The following ITGA8 variants were observed in gnomAD, a reference collection of about 807,000 sequenced individuals.
The protein encoded by ITGA8 is integrin subunit alpha 8, also known as integrin alpha-8.
Under a neutral mutation model 142.3 loss-of-function variants are expected in ITGA8, and 91 were observed. The observed-to-expected ratio is 0.64, with a 90% CI of 0.54 to 0.76. The LOEUF is 0.76. ITGA8 is among the 30% of genes least tolerant of loss of function. The pLI is 0.00. For synonymous variants in ITGA8, 505 were observed against 485.2 expected, an observed-to-expected ratio of 1.04 and a Z score of -0.54; for missense variants, 1,406 against 1,327.7, an observed-to-expected ratio of 1.06 and a Z score of -0.92.
intron 13 of ITGA8, among the ~76,000 whole-genome samples, 185 bp downstream of exon 13, chr10:15,643,843 CGT>C (rs1484902890): frequency 2.0e-5 from 3 of 152,096 alleles, no homozygotes; most frequent in Non-Finnish European, 4.4e-5. Flanking sequence ...GAGAAGGAAG[CGT>C]GTGTTTGTCT....
chr10:15,663,589 ACGAG>A, intron 8 of ITGA8, among the ~76,000 whole-genome samples: 1 of 141,724 alleles, frequency 7.1e-6, no homozygotes, highest in Non-Finnish European at 1.5e-5. Context: ...TTTTTTTTGG[ACGAG>A]ATCTGAGTCT....
At chr10:15,620,322 C>G (rs979561820) in intron 13 of ITGA8, among the ~76,000 whole-genome samples, 1 of 152,118 alleles carries the variant, frequency 6.6e-6, no homozygotes, top group African/African-American at 2.4e-5. Context: ...CACACACACA[C>G]ACACACACAC....
At chr10:15,645,789 C>G (rs1364301544) in intron 12 of ITGA8, among the ~76,000 whole-genome samples, 1 of 152,128 alleles carries the variant, frequency 6.6e-6, no homozygotes, top group African/African-American at 2.4e-5. Context: ...AAAATGCATA[C>G]ATTTTCAGGT....
At position 15,668,492 on chromosome 10, in the gene ITGA8, T is replaced by C. The variant is rs561890711; in HGVS notation, c.847+3111A>G. 1.3e-4 allele frequency among the ~76,000 whole-genome samples: 20 copies of C among 151,228 alleles called. No homozygotes were observed. The South Asian group carries it at 3.9e-3, about 29-fold the overall frequency. On this transcript the variant is annotated intron_variant, in intron 8 of 29. Coordinates refer to ENST00000378076, the MANE Select transcript of ITGA8 (RefSeq NM_003638.3). ...TTATGCGATTTGCCAGTCTGTGTCT[T>C]TTAATTGGAGCATTTAGCCCATTTA... is the stretch of plus-strand genomic sequence containing the variant.
intron 2 of ITGA8, among the ~76,000 whole-genome samples, chr10:15,695,974 A>G (rs1835044145): frequency 6.6e-6 from 1 of 152,312 alleles, no homozygotes; most frequent in Admixed American, 6.5e-5. Context: ...TTCACACCCT[A>G]TCCTTGCCAA....
chr10:15,593,829 C>G (rs1832964972), intron 21 of ITGA8, among the ~76,000 whole-genome samples: 1 of 146,894 alleles, frequency 6.8e-6, no homozygotes, highest in South Asian at 2.2e-4. Context: ...GGCATTACGC[C>G]CCAGCAAAGA....
chr10:15,674,137 T>C (rs935927082), intron 6 of ITGA8, among the ~76,000 whole-genome samples: 1 of 152,176 alleles, frequency 6.6e-6, no homozygotes, highest in Non-Finnish European at 1.5e-5. Context: ...GCCAAGTGAC[T>C]GGGACTTGAA....
intron 29 of ITGA8, among the ~76,000 whole-genome samples, chr10:15,517,883 T>C (rs1159660915): frequency 6.6e-6 from 1 of 152,262 alleles, no homozygotes; most frequent in Non-Finnish European, 1.5e-5. Flanking sequence ...ATTTCCCACA[T>C]GCTTACTGGA....
chr10:15,604,196 T>C lies in ITGA8; in HGVS notation c.2118+12A>G. Reference sequence around the variant, plus strand: ...ACCTAGCTCTTGACTTCAAACAATTTGCAGGCATTACCTTGTTGTTGCGTT... The same window carrying C: ...ACCTAGCTCTTGACTTCAAACAATTCGCAGGCATTACCTTGTTGTTGCGTT... On this transcript the variant is annotated intron_variant, in intron 20 of 29. Transcript: ENST00000378076. 1 of 1,601,164 alleles carries C rather than the reference T, an allele frequency of 6.2e-7. No individual in the cohort carries two copies. The highest frequency in any genetic ancestry group is 8.5e-7 in the Non-Finnish European group (1 of 1,175,658).
intron 27 of ITGA8, among the ~76,000 whole-genome samples, chr10:15,534,871 C>T (rs1403123180): frequency 2.6e-5 from 4 of 152,188 alleles, no homozygotes; most frequent in African/African-American, 4.8e-5. Context: ...TTTGGCGGCA[C>T]TTGAGGAGCC....
intron 2 of ITGA8, among the ~76,000 whole-genome samples, chr10:15,706,180 A>G (rs113396695): frequency 6.6e-6 from 1 of 152,112 alleles, no homozygotes; most frequent in Non-Finnish European, 1.5e-5. Context: ...CTCCTTACCC[A>G]CTGTTCTCTA....
chr10:15,686,276 T>C (rs920005019), intron 3 of ITGA8, among the ~76,000 whole-genome samples: 1 of 152,236 alleles, frequency 6.6e-6, no homozygotes, highest in African/African-American at 2.4e-5. Context: ...TGCCTCTCTA[T>C]ATATTGTAAA....
rs1491456295 is a variant in ITGA8, at chr10:15,697,046, A to AACACACACACACACACACACACAC, written c.344-9009_344-9008insGTGTGTGTGTGTGTGTGTGTGTGT. 2.1e-3 allele frequency among the ~76,000 whole-genome samples: 314 copies of AACACACACACACACACACACACAC among 147,512 alleles called. 2 individuals carry two copies. Among genetic ancestry groups the AACACACACACACACACACACACAC allele is most frequent in the African/African-American group, 7.7e-3 (306 of 39,922 alleles). ...AGAGTAAGTACTCTCTTGTCTCTAA[A>AACACACACACACACACACACACAC]ACACACACACACACACACACAAGAA... On this transcript the variant is annotated intron_variant, in intron 2 of 29. Transcript: ENST00000378076.
At chr10:15,577,830 T>C (rs551878037) in intron 23 of ITGA8, among the ~76,000 whole-genome samples, 10 of 152,252 alleles carry the variant, frequency 6.6e-5, no homozygotes, top group East Asian at 1.9e-4. Context: ...CCTTCCGTCC[T>C]AAGATGGAAG....
chr10:15,678,684 G>C (rs770283198), intron 5 of ITGA8, 38 bp downstream of exon 5: 1 of 1,443,982 alleles, frequency 6.9e-7, no homozygotes, highest in Admixed American at 1.7e-5. Flanking sequence ...AAAAAAATCA[G>C]ATTAAATATT....
At chr10:15,542,906 C>G (rs538635187) in intron 27 of ITGA8, among the ~76,000 whole-genome samples, 1 of 152,260 alleles carries the variant, frequency 6.6e-6, no homozygotes, top group African/African-American at 2.4e-5. Context: ...TATTTGCAGA[C>G]AAACATCCCT....
chr10:15,609,042 A>T (rs568359199), intron 15 of ITGA8, among the ~76,000 whole-genome samples: 1 of 152,158 alleles, frequency 6.6e-6, no homozygotes, highest in Non-Finnish European at 1.5e-5. Context: ...GCAGATGTCC[A>T]TGAGAGACAC....
intron 23 of ITGA8, among the ~76,000 whole-genome samples, chr10:15,581,464 C>T (rs1834405373): frequency 6.6e-6 from 1 of 152,160 alleles, no homozygotes; most frequent in South Asian, 2.1e-4. Flanking sequence ...GTAATAATCT[C>T]TGTAAGTGTA....
intron 28 of ITGA8, among the ~76,000 whole-genome samples, chr10:15,521,422 T>C (rs1833066906): frequency 6.6e-6 from 1 of 152,166 alleles, no homozygotes; most frequent in South Asian, 2.1e-4. Flanking sequence ...GCATCCCCCA[T>C]GCAGCAGATG....
Sources: gnomAD v4.1 joint callset for allele counts (sites outside exome capture counted in the v4.1 genomes callset) on GRCh38, gnomAD v4.1.1 for gene constraint, MANE v1.5 for transcripts, NCBI Gene and HGNC (gene_info 2026-07-23, HGNC 2026-07-21) for gene names.